DOCK1: variants seen among roughly 807,000 people sequenced by gnomAD.
DOCK1 encodes the protein dedicator of cytokinesis protein 1.
In DOCK1, 138 loss-of-function variants were observed where a neutral mutation model predicts 262.7. That is an observed-to-expected ratio of 0.53 (90% CI 0.46 to 0.61). The LOEUF is 0.61. Among genes scored for constraint, DOCK1 ranks in the 20% least tolerant of loss-of-function variants. DOCK1 has a pLI of 0.00. For synonymous variants in DOCK1, 866 were observed against 867.4 expected (o/e 1.00, Z 0.03); for missense variants, 1,908 against 2,370.7 (o/e 0.80, Z 4.05).
At chr10:127,154,041 T>C in intron 27 of DOCK1, 1 of 716,770 alleles carries the variant, frequency 1.4e-6, no homozygotes, top group Admixed American at 2.1e-5. Flanking sequence ...TCATGGAAAT[T>C]GATTAATGCA....
intron 23 of DOCK1, among the ~76,000 whole-genome samples, chr10:127,101,429 C>T (rs771721257): frequency 1.1e-4 from 16 of 152,210 alleles, no homozygotes; most frequent in Admixed American, 6.5e-5. Flanking sequence ...ATAGCAGATG[C>T]GGGTTCCTCC....
intron 29 of DOCK1, among the ~76,000 whole-genome samples, chr10:127,291,830 A>C (rs1243364400): frequency 6.6e-6 from 1 of 152,184 alleles, no homozygotes; most frequent in African/African-American, 2.4e-5. Context: ...TATCCAGTGA[A>C]ATGCAGACAT....
chr10:127,137,443 A>G (rs1396542657), intron 27 of DOCK1: 1 of 161,126 alleles, frequency 6.2e-6, no homozygotes, highest in Non-Finnish European at 1.3e-5. Context: ...TTTTCTTCTC[A>G]TTATTTAAAA....
At chr10:127,111,945 C>T (rs2048892305) in intron 25 of DOCK1, among the ~76,000 whole-genome samples, 1 of 151,712 alleles carries the variant, frequency 6.6e-6, no homozygotes, top group Non-Finnish European at 1.5e-5. Flanking sequence ...ATTTCTGTTG[C>T]AAAACTTTGT....
chr10:127,076,358 A>G (rs559010772), intron 23 of DOCK1, among the ~76,000 whole-genome samples: 18 of 152,248 alleles, frequency 1.2e-4, no homozygotes, highest in East Asian at 5.8e-4. Context: ...AAAATTAGCT[A>G]GGCGTGGTGG....
chr10:126,969,554 C>A (rs1169378745), intron 1 of DOCK1, among the ~76,000 whole-genome samples: 1 of 152,156 alleles, frequency 6.6e-6, no homozygotes, highest in African/African-American at 2.4e-5. Context: ...TCATGCAGAA[C>A]AAGAGATGGG....
intron 49 of DOCK1, among the ~76,000 whole-genome samples, chr10:127,442,085 G>A (rs928188702): frequency 6.6e-6 from 1 of 152,176 alleles, no homozygotes; most frequent in African/African-American, 2.4e-5. Flanking sequence ...TTTCTTCAGA[G>A]GAGGTGCAGC....
intron 31 of DOCK1, among the ~76,000 whole-genome samples, chr10:127,353,229 C>T (rs1423342191): frequency 1.3e-5 from 2 of 152,158 alleles, no homozygotes; most frequent in Non-Finnish European, 2.9e-5. Flanking sequence ...CTGGGAAATG[C>T]TGCAAGGACG....
intron 27 of DOCK1, among the ~76,000 whole-genome samples, chr10:127,132,566 C>T (rs2050388658): frequency 6.6e-6 from 1 of 152,206 alleles, no homozygotes; most frequent in Non-Finnish European, 1.5e-5. Flanking sequence ...CATTAAGCAG[C>T]ATTTTTCCTC....
At chr10:127,179,842 T>G (rs193104360) in intron 27 of DOCK1, among the ~76,000 whole-genome samples, 15 of 152,348 alleles carry the variant, frequency 9.8e-5, no homozygotes, top group African/African-American at 3.1e-4. Context: ...AAGCATGCAG[T>G]TAAGTGCTCC....
intron 28 of DOCK1, among the ~76,000 whole-genome samples, chr10:127,253,019 C>G (rs2059706187): frequency 6.6e-6 from 1 of 152,100 alleles, no homozygotes; most frequent in African/African-American, 2.4e-5. Flanking sequence ...ATATAGAGCA[C>G]AAGCGGAATG....
intron 25 of DOCK1, among the ~76,000 whole-genome samples, chr10:127,115,401 A>T (rs2049120832): frequency 6.6e-6 from 1 of 152,212 alleles, no homozygotes; most frequent in Non-Finnish European, 1.5e-5. Flanking sequence ...TTGATAGATT[A>T]CATGCTTCAC....
At position 127,176,540 on chromosome 10, in the gene DOCK1, G is replaced by C; in HGVS notation, c.2847+48776G>C. ...CAGGTGAGGTCGGCCTTTATGTTAAGGAAAATCACACGGGCTGAGAGTCGC... is the reference window on the plus strand; with the variant it reads ...CAGGTGAGGTCGGCCTTTATGTTAACGAAAATCACACGGGCTGAGAGTCGC... On this transcript the variant is annotated intron_variant, in intron 27 of 51. Transcript: ENST00000623213. The surrounding 1 kb of genome is among the most constrained non-coding windows in gnomAD (Gnocchi z 4.4). 1.5e-6 allele frequency: 1 copy of C among 677,812 alleles called. No homozygotes were observed. Among genetic ancestry groups the C allele is most frequent in the Non-Finnish European group, 2.4e-6 (1 of 408,450 alleles). The allele number at this position is 677,812 out of a possible 1,614,324, so 42.0% of individuals were successfully genotyped here.
chr10:127,268,465 A>G (rs765669532), intron 29 of DOCK1, among the ~76,000 whole-genome samples: 8 of 133,766 alleles, frequency 6.0e-5, no homozygotes, highest in Non-Finnish European at 1.1e-4. Context: ...GTGCCACTGC[A>G]CTCCATCCAG....
At chr10:127,414,287 C>T (rs552449027) in intron 43 of DOCK1, among the ~76,000 whole-genome samples, 49 of 152,224 alleles carry the variant, frequency 3.2e-4, no homozygotes, top group African/African-American at 1.2e-3. Flanking sequence ...TCAGACTGCT[C>T]AGTGACCCTG....
At chr10:127,113,164 GTTGT>G (rs1016770132) in intron 25 of DOCK1, among the ~76,000 whole-genome samples, 1 of 152,090 alleles carries the variant, frequency 6.6e-6, no homozygotes, top group African/African-American at 2.4e-5. Flanking sequence ...TACAAATGTG[GTTGT>G]TTTTGTCCTG....
At chr10:127,029,728 G>A (rs140633170) in intron 16 of DOCK1, among the ~76,000 whole-genome samples, 3 of 152,246 alleles carry the variant, frequency 2.0e-5, no homozygotes, top group East Asian at 1.9e-4. Flanking sequence ...TCCATTCCTC[G>A]GATGTGAAGA....
intron 29 of DOCK1, among the ~76,000 whole-genome samples, chr10:127,277,803 C>T (rs953434829): frequency 2.6e-5 from 4 of 152,104 alleles, no homozygotes; most frequent in Admixed American, 2.0e-4. Flanking sequence ...GATTTGAACG[C>T]TTTTTAGATT....
chr10:127,451,341 C>T lies in DOCK1; in HGVS notation c.5575C>T (p.Pro1859Ser), dbSNP rs2070955142. ...PPPPHQRHLP[P>S]PLPSKTPPPP... ...TCCTCATGTTTTTTAGCATCTGCCA[C>T]CTCCACTGCCCAGCAAAACTCCGCC... is the stretch of plus-strand genomic sequence containing the variant. Residue 1859 changes from proline (P) to serine (S), a missense_variant, in exon 52 of 52, where the codon CCT (proline) becomes TCT (serine). By Grantham distance (74) the Pro-to-Ser change is moderately conservative. Coordinates refer to ENST00000623213, the MANE Select transcript of DOCK1 (RefSeq NM_001290223.2). 6.3e-7 allele frequency: 1 copy of T among 1,596,300 alleles called. No homozygotes were observed.
Sources: allele counts gnomAD v4.1 joint callset (sites outside exome capture counted in the v4.1 genomes callset), GRCh38; gene constraint gnomAD v4.1.1; non-coding constraint Gnocchi (gnomAD v3.1); transcripts MANE v1.5; gene names NCBI Gene and HGNC (gene_info 2026-07-23, HGNC 2026-07-21).